CDH8: variants seen among roughly 807,000 people sequenced by gnomAD.
CDH8 encodes cadherin-8.
In CDH8, 17 loss-of-function variants were observed where a neutral mutation model predicts 68.1. That is an observed-to-expected ratio of 0.25 (90% CI 0.17 to 0.37). The LOEUF (loss-of-function observed/expected upper bound fraction) is 0.37. Among genes scored for constraint, CDH8 ranks in the 10% least tolerant of loss-of-function variants. The pLI is 1.00. For missense variants in CDH8, 763 were observed against 999.3 expected (o/e 0.76, Z 3.19); for synonymous variants, 372 against 365.1 (o/e 1.02, Z -0.21).
intron 9 of CDH8, among the ~76,000 whole-genome samples, chr16:61,723,323 T>C (rs1390914502): frequency 6.6e-6 from 1 of 150,714 alleles, no homozygotes; most frequent in Non-Finnish European, 1.5e-5. Flanking sequence ...AGGAAGATAC[T>C]GGTTTCTCCA....
intron 1 of CDH8, among the ~76,000 whole-genome samples, chr16:62,026,489 G>T (rs78288002): frequency 0.013 from 1,960 of 152,228 alleles, 42 homozygotes; most frequent in African/African-American, 0.045. Flanking sequence ...TCAGTGGTGT[G>T]GTGGAAGAGT....
At chr16:61,979,720 A>T (rs1173358617) in intron 2 of CDH8, among the ~76,000 whole-genome samples, 1 of 151,894 alleles carries the variant, frequency 6.6e-6, no homozygotes, top group Admixed American at 6.6e-5. Flanking sequence ...TACTCTCCTG[A>T]CTTCAGAAAT....
intron 2 of CDH8, among the ~76,000 whole-genome samples, chr16:61,972,406 G>C (rs1965353661): frequency 6.6e-6 from 1 of 152,158 alleles, no homozygotes; most frequent in Admixed American, 6.5e-5. Context: ...GGTGGGTTTT[G>C]AATGGGGTAG....
intron 7 of CDH8, among the ~76,000 whole-genome samples, chr16:61,797,134 A>G (rs1961518985): frequency 6.6e-6 from 1 of 151,944 alleles, no homozygotes; most frequent in African/African-American, 2.4e-5. Flanking sequence ...TTGCTAACAT[A>G]TATTTATTTA....
intron 1 of CDH8, among the ~76,000 whole-genome samples, chr16:62,029,106 C>G (rs1902264567): frequency 6.6e-6 from 1 of 152,090 alleles, no homozygotes; most frequent in Admixed American, 6.6e-5. Context: ...GCACGTTTAT[C>G]TTATTTGTGG....
intron 8 of CDH8, among the ~76,000 whole-genome samples, chr16:61,777,234 A>G (rs1363088305): frequency 6.6e-6 from 1 of 152,102 alleles, no homozygotes; most frequent in Non-Finnish European, 1.5e-5. Context: ...TACCTTTAAA[A>G]TCTGTTCAGA....
chr16:62,030,801 C>G (rs1902306525), intron 1 of CDH8, among the ~76,000 whole-genome samples: 1 of 152,060 alleles, frequency 6.6e-6, no homozygotes, highest in African/African-American at 2.4e-5. Context: ...TCAATAAACA[C>G]ATCCACAAAA....
rs552802438 is a variant in CDH8 at position 62,026,662 on chromosome 16, T to C, written c.-199-5060A>G. On this transcript the variant is annotated intron_variant, in intron 1 of 11. Coordinates refer to ENST00000577390, the MANE Select transcript of CDH8 (RefSeq NM_001796.5). ...TTCCTCTCCTCACAGATCTATTTTA[T>C]GTGAGGCACTGGGAAAATTGCTGAG... Among the ~76,000 whole-genome samples, 10 of 152,342 alleles carry C rather than the reference T, an allele frequency of 6.6e-5. No homozygotes were observed. The South Asian group carries it at 1.2e-3, about 19-fold the overall frequency.
chr16:61,697,606 G>A (rs1341006473), intron 10 of CDH8, among the ~76,000 whole-genome samples: 1 of 151,690 alleles, frequency 6.6e-6, no homozygotes, highest in Admixed American at 6.6e-5. Flanking sequence ...CAATTCTCAT[G>A]TCTCAAGTCT....
chr16:61,927,696 A>G (rs940303412), intron 2 of CDH8, among the ~76,000 whole-genome samples: 1 of 152,182 alleles, frequency 6.6e-6, no homozygotes, highest in Non-Finnish European at 1.5e-5. Flanking sequence ...GTGGCACCTA[A>G]TGGCCCAGGC....
chr16:61,727,057 C>A, intron 9 of CDH8, 37 bp downstream of exon 9: 1 of 1,605,300 alleles, frequency 6.2e-7, no homozygotes, highest in Non-Finnish European at 8.5e-7. Context: ...CAGTTGTATA[C>A]AAACATATTC....
At chr16:61,939,565 T>G (rs1197305332) in intron 2 of CDH8, among the ~76,000 whole-genome samples, 1 of 152,218 alleles carries the variant, frequency 6.6e-6, no homozygotes, top group African/African-American at 2.4e-5. Flanking sequence ...TTTATTAGCA[T>G]TCCAATTAAA....
chr16:61,996,114 G>A (rs1411902416), intron 2 of CDH8, among the ~76,000 whole-genome samples: 1 of 152,122 alleles, frequency 6.6e-6, no homozygotes, highest in Non-Finnish European at 1.5e-5. Context: ...CAAAACTCAA[G>A]GCCAGTGGAA....
At chr16:61,745,379 A>C (rs371961333) in intron 8 of CDH8, among the ~76,000 whole-genome samples, 1 of 151,976 alleles carries the variant, frequency 6.6e-6, no homozygotes, top group East Asian at 1.9e-4. Flanking sequence ...GATCCACTTG[A>C]ATCTATATCT....
chr16:61,941,102 G>T (rs1313876440), intron 2 of CDH8, among the ~76,000 whole-genome samples: 1 of 152,174 alleles, frequency 6.6e-6, no homozygotes, highest in Non-Finnish European at 1.5e-5. Flanking sequence ...ATGCAAGATT[G>T]CTTTCCAACA....
At chr16:61,751,376 T>G (rs1960153326) in intron 8 of CDH8, among the ~76,000 whole-genome samples, 1 of 96,056 alleles carries the variant, frequency 1.0e-5, no homozygotes, top group Non-Finnish European at 2.0e-5. Context: ...CCTTCCATAT[T>G]CTCCTTAAAA....
chr16:61,860,894 G>A (rs1476268944), intron 3 of CDH8, among the ~76,000 whole-genome samples: 1 of 152,190 alleles, frequency 6.6e-6, no homozygotes, highest in East Asian at 1.9e-4. Context: ...GGTCAGAGTA[G>A]TATGGGGTTA....
At chr16:61,951,381 C>T (rs988143845) in intron 2 of CDH8, among the ~76,000 whole-genome samples, 7 of 151,772 alleles carry the variant, frequency 4.6e-5, no homozygotes, top group East Asian at 2.0e-4. Flanking sequence ...GGCGTGCTGG[C>T]GGGCGCCTAT....
rs867757588 is a variant in CDH8, at chr16:61,764,430, A to G, written c.1414+24916T>C. Among the ~76,000 whole-genome samples the G allele has an allele frequency of 5.9e-5, 9 of 152,258 alleles. 1 individual carries two copies. The Middle Eastern group carries it at 0.02, about 345-fold the overall frequency. On this transcript the variant is annotated intron_variant, in intron 8 of 11. Transcript: ENST00000577390. ...ATTTCAAATGTACTCAGTTTCCCGT[A>G]GGAAAACTAAGATTAATTACTACCA...
Sources: gnomAD v4.1 joint callset for allele counts (sites outside exome capture counted in the v4.1 genomes callset) on GRCh38, gnomAD v4.1.1 for gene constraint, MANE v1.5 for transcripts, NCBI Gene and HGNC (gene_info 2026-07-23, HGNC 2026-07-21) for gene names.